TMEM232: variants seen among roughly 807,000 people sequenced by gnomAD.
The protein encoded by TMEM232 is transmembrane protein 232.
TMEM232 carries 80 observed loss-of-function variants against 78.8 expected under a neutral mutation model. The observed-to-expected ratio is 1.01, with a 90% CI of 0.85 to 1.22. The LOEUF (loss-of-function observed/expected upper bound fraction) is 1.22. Ranked by LOEUF, TMEM232 falls within the 50% of genes most tolerant of loss-of-function variation. The pLI is 0.00. For synonymous variants in TMEM232, 297 were observed against 254.3 expected (o/e 1.17, Z -1.60); for missense variants, 881 against 742.2 (o/e 1.19, Z -2.17).
chr5:110,680,900 G>C (rs553068089), intron 1 of TMEM232, among the ~76,000 whole-genome samples: 184 of 152,080 alleles, frequency 1.2e-3, no homozygotes, highest in African/African-American at 4.3e-3. Context: ...AAAGGAGAGA[G>C]GAAAATGGGG....
At chr5:110,659,161 A>G (rs1161202462) in intron 2 of TMEM232, among the ~76,000 whole-genome samples, 1 of 152,154 alleles carries the variant, frequency 6.6e-6, no homozygotes, top group African/African-American at 2.4e-5. Flanking sequence ...CTGAGTGACC[A>G]AAGTAGGTGT....
At chr5:110,626,649 GA>G (rs1784463071) in intron 6 of TMEM232, among the ~76,000 whole-genome samples, 1 of 151,192 alleles carries the variant, frequency 6.6e-6, no homozygotes, top group Admixed American at 6.6e-5. Flanking sequence ...AGCTTTTTTT[GA>G]AATAGTTCAC....
chr5:110,598,212 C>T (rs1345527725), intron 10 of TMEM232, among the ~76,000 whole-genome samples: 1 of 151,970 alleles, frequency 6.6e-6, no homozygotes, highest in Non-Finnish European at 1.5e-5. Flanking sequence ...TATGAATAGA[C>T]ATTTCTCAAA....
intron 12 of TMEM232, among the ~76,000 whole-genome samples, chr5:110,510,120 T>C (rs896228644): frequency 1.6e-4 from 25 of 152,208 alleles, no homozygotes; most frequent in African/African-American, 5.8e-4. Context: ...CAAGGAAATG[T>C]TGCTTGTGCC....
intron 12 of TMEM232, among the ~76,000 whole-genome samples, chr5:110,522,112 G>C (rs562934535): frequency 1.2e-4 from 18 of 152,198 alleles, no homozygotes; most frequent in Admixed American, 1.2e-3. Flanking sequence ...AGGTTTTGTA[G>C]TTTTCAATCT....
At chr5:110,521,247 G>T (rs1208376024) in intron 12 of TMEM232, among the ~76,000 whole-genome samples, 1 of 151,948 alleles carries the variant, frequency 6.6e-6, no homozygotes, top group Non-Finnish European at 1.5e-5. Flanking sequence ...TACACTTACT[G>T]CCAATTGTAT....
At chr5:110,527,022 G>A (rs555998040) in intron 12 of TMEM232, among the ~76,000 whole-genome samples, 2 of 151,820 alleles carry the variant, frequency 1.3e-5, no homozygotes, top group East Asian at 3.9e-4. Context: ...CACTAATAAT[G>A]TATTATATTT....
intron 11 of TMEM232, among the ~76,000 whole-genome samples, chr5:110,539,739 C>A (rs1471704886): frequency 6.6e-6 from 1 of 152,120 alleles, no homozygotes; most frequent in Non-Finnish European, 1.5e-5. Context: ...ACCAAGGAAG[C>A]TTCTGAACAA....
chr5:110,401,519 C>G lies in TMEM232; in HGVS notation n.309-3665G>C, dbSNP rs1755596071. 3.9e-5 allele frequency among the ~76,000 whole-genome samples: 6 copies of G among 152,130 alleles called. No homozygotes were observed. In the South Asian group the frequency reaches 1.2e-3, roughly 32 times the overall value. On this transcript the variant is annotated intron_variant and non_coding_transcript_variant, in intron 2 of 8. Coordinates refer to the TMEM232 transcript ENST00000507188. ...ATCTTCCATCACTTGCTGGGTCCTGCAGGATCCCATTAGGCCACCCCTGGG... is the reference window on the plus strand; with the variant it reads ...ATCTTCCATCACTTGCTGGGTCCTGGAGGATCCCATTAGGCCACCCCTGGG...
At chr5:110,635,102 C>T (rs1785621568) in intron 5 of TMEM232, among the ~76,000 whole-genome samples, 2 of 151,898 alleles carry the variant, frequency 1.3e-5, no homozygotes, top group African/African-American at 2.4e-5. Context: ...CGGATAAATT[C>T]CTGAAAACAT....
intron 8 of TMEM232, among the ~76,000 whole-genome samples, chr5:110,606,859 T>C (rs969475623): frequency 4.6e-5 from 7 of 152,046 alleles, no homozygotes; most frequent in Admixed American, 6.6e-5. Flanking sequence ...TAGTTATAAA[T>C]GTACATATAT....
intron 11 of TMEM232, among the ~76,000 whole-genome samples, chr5:110,541,590 A>C (rs184302302): frequency 2.6e-5 from 4 of 152,288 alleles, no homozygotes; most frequent in Non-Finnish European, 5.9e-5. Flanking sequence ...TACATTCAGC[A>C]TGGAGGCTTC....
At chr5:110,644,744 A>G (rs1418475006) in intron 2 of TMEM232, among the ~76,000 whole-genome samples, 1 of 151,766 alleles carries the variant, frequency 6.6e-6, no homozygotes, top group African/African-American at 2.4e-5. Flanking sequence ...AGAAAGAAGG[A>G]AATAATAAAT....
chr5:110,472,136 T>G (rs1580820833), intron 12 of TMEM232, among the ~76,000 whole-genome samples: 1 of 151,876 alleles, frequency 6.6e-6, no homozygotes, highest in African/African-American at 2.4e-5. Flanking sequence ...GATGTGATCT[T>G]ATATAGAAAA....
At chr5:110,574,523 A>G (rs1777347278) in intron 10 of TMEM232, among the ~76,000 whole-genome samples, 1 of 151,966 alleles carries the variant, frequency 6.6e-6, no homozygotes, top group East Asian at 1.9e-4. Flanking sequence ...ATGCTATAAG[A>G]TTTGATTCAT....
intron 12 of TMEM232, among the ~76,000 whole-genome samples, chr5:110,509,769 G>A (rs1053147599): frequency 2.6e-5 from 4 of 152,068 alleles, no homozygotes; most frequent in Admixed American, 2.6e-4. Context: ...CCTACATTCA[G>A]TGAACACAAT....
At chr5:110,712,723 T>C (rs78096514) in intron 1 of TMEM232, among the ~76,000 whole-genome samples, 1,797 of 152,236 alleles carry the variant, frequency 0.012, 32 homozygotes, top group African/African-American at 0.041. Flanking sequence ...ATGTCACCCA[T>C]TTAAAATGGC....
intron 1 of TMEM232, among the ~76,000 whole-genome samples, chr5:110,711,668 A>C (rs1477196082): frequency 6.6e-6 from 1 of 152,232 alleles, no homozygotes; most frequent in African/African-American, 2.4e-5. Flanking sequence ...ACAGGTGCCA[A>C]GAATATACAC....
At chr5:110,697,987 C>T (rs370973901) in intron 1 of TMEM232, among the ~76,000 whole-genome samples, 4 of 152,068 alleles carry the variant, frequency 2.6e-5, no homozygotes, top group Non-Finnish European at 4.4e-5. Context: ...CACATGCACA[C>T]GTATGTTTAT....
Sources: gnomAD v4.1 joint callset for allele counts (sites outside exome capture counted in the v4.1 genomes callset) on GRCh38, gnomAD v4.1.1 for gene constraint, MANE v1.5 for transcripts, NCBI Gene and HGNC (gene_info 2026-07-23, HGNC 2026-07-21) for gene names.